The following DALRD3 variants were observed in gnomAD, a reference collection of about 807,000 sequenced individuals.
The protein encoded by DALRD3 is DALR anticodon binding domain containing 3.
In DALRD3, 47 loss-of-function variants were observed where a neutral mutation model predicts 56.7. The ratio of observed to expected loss-of-function variants is 0.83; its 90% CI spans 0.66 to 1.06. The LOEUF is 1.06. Among genes scored for constraint, DALRD3 ranks in the 50% least tolerant of loss-of-function variants. The probability of loss-of-function intolerance (pLI) is 0.00; values close to 1 mark genes in which losing one functional copy is unlikely to be tolerated. For missense variants in DALRD3, 787 were observed against 724.0 expected, an observed-to-expected ratio of 1.09 and a Z score of -1.00; for synonymous variants, 347 against 308.5, an observed-to-expected ratio of 1.12 and a Z score of -1.31.
upstream of DALRD3, chr3:49,020,287 T>G (rs113821860): frequency 2.9e-3 from 1,496 of 508,942 alleles, 12 homozygotes; most frequent in African/African-American, 0.026. Flanking sequence ...TTGGGAACCC[T>G]CAGTCAAACT....
upstream of DALRD3, chr3:49,020,037 C>A: frequency 2.1e-6 from 1 of 480,512 alleles, no homozygotes. Flanking sequence ...AATAGAGAAG[C>A]TAACTCAGTA....
chr3:49,020,110 C>CTT, upstream of DALRD3: 1 of 533,622 alleles, frequency 1.9e-6, no homozygotes. Context: ...GGCAAGGCCC[C>CTT]TTTCTGGGCC....
chr3:49,016,322 C>T lies in DALRD3; in HGVS notation c.1165G>A (p.Asp389Asn), dbSNP rs748856349. ...PQSQLFLALADSSISTKGTKS... is the reference protein window; with the variant it reads ...PQSQLFLALANSSISTKGTKS... ...GTGCCCTTCGTGGAGATACTGCTGT[C>T]AGCCAGAGCCAGGAAGAGCTGGGGA... Residue 389 changes from aspartate to asparagine, a missense_variant, in exon 9 of 12, where the codon GAC (aspartate) becomes AAC (asparagine). Physicochemically the swap from Asp to Asn is conservative, Grantham distance 23. Transcript: ENST00000341949. The T allele has an allele frequency of 1.2e-5, 19 of 1,608,172 alleles. No individual in the cohort carries two copies. The highest frequency in any genetic ancestry group is 1.5e-5 in the Non-Finnish European group (18 of 1,175,302).
rs2093115082 is a variant in DALRD3 at position 49,018,266 on chromosome 3, G to A, written c.218C>T (p.Ala73Val). 2.8e-6 allele frequency: 4 copies of A among 1,443,306 alleles called. No homozygotes were observed. The South Asian group carries it at 5.9e-5, about 21-fold the overall frequency. The allele number at this position is 1,443,306 out of a possible 1,614,324, so 89.4% of individuals were successfully genotyped here. A position where few individuals can be genotyped will look rare whatever the true frequency, so the allele number is the denominator to read the frequency against. ...ALACLQGPGV[A>V]PVLRCAPTPA... ...GGTCGGCGCGCAGCGCAGCACCGGG[G>A]CCACACCGGGGCCCTGCAGGCAGGC... The change falls in exon 2 of 12, where the codon GCC (alanine) becomes GTC (valine). Residue 73 changes from alanine (A) to valine (V), a missense_variant. By Grantham distance (64) the Ala-to-Val change is moderately conservative. Transcript: ENST00000341949.
At chr3:49,020,285 C>T, upstream of DALRD3, 1 of 520,960 alleles carries the variant, frequency 1.9e-6, no homozygotes, top group Non-Finnish European at 4.0e-6. Flanking sequence ...GGTTGGGAAC[C>T]CTCAGTCAAA....
intron 2 of DALRD3, 25 bp from the exon 3 acceptor site, chr3:49,017,894 A>C: frequency 6.3e-7 from 1 of 1,584,046 alleles, no homozygotes; most frequent in Non-Finnish European, 8.5e-7. Flanking sequence ...CGGCCGCCTC[A>C]GTCTGAGCAC....
At position 49,018,167 on chromosome 3, in the gene DALRD3, G is replaced by A; in HGVS notation, c.317C>T (p.Ala106Val). ...ERVLSAVAAY[A>V]TPASPASLGQ... ...CAGCGAGGCAGGCGAGGCGGGCGTG[G>A]CATAGGCGGCCACGGCGCTGAGGAC... The change falls in exon 2 of 12, where the codon GCC becomes GTC. Residue 106 changes from alanine to valine, a missense_variant. Transcript: ENST00000341949. 6.9e-7 allele frequency: 1 copy of A among 1,453,802 alleles called. No individual in the cohort carries two copies. The highest frequency in any genetic ancestry group is 9.0e-7 in the Non-Finnish European group (1 of 1,114,612). 90.1% of individuals were successfully genotyped at this position (1,453,802 alleles called of 1,614,324 possible). A position where few individuals can be genotyped will look rare whatever the true frequency, so the allele number is the denominator to read the frequency against.
upstream of DALRD3, chr3:49,018,827 G>A: frequency 1.0e-6 from 1 of 985,452 alleles, no homozygotes; most frequent in Non-Finnish European, 1.2e-6. Flanking sequence ...GCCTTAACCA[G>A]GAAAAGGATC....
chr3:49,020,035 AGCTAACTCAGTAGAGAGAGTT>A, upstream of DALRD3: 1 of 478,080 alleles, frequency 2.1e-6, no homozygotes, highest in Non-Finnish European at 4.2e-6. Context: ...TTAATAGAGA[AGCTAACTCAGTAGAGAGAGTT>A]GGGAAATCCG....
chr3:49,021,399 G>A (rs2093155440), upstream of DALRD3: 1 of 152,736 alleles, frequency 6.5e-6, no homozygotes, highest in Non-Finnish European at 1.5e-5. This position sits in a 1 kb window ranked among gnomAD's most constrained non-coding sequence, Gnocchi z 4.1. Context: ...ACGAGGACAA[G>A]GTGATGCTCC....
In DALRD3 at chr3:49,016,764, C is replaced by T; in HGVS notation, c.1001+10G>A. The T allele has an allele frequency of 6.2e-7, 1 of 1,614,200 alleles. No homozygotes were observed. The highest frequency in any genetic ancestry group is 8.5e-7 in the Non-Finnish European group (1 of 1,180,028). On this transcript the variant is annotated intron_variant, in intron 6 of 11. Transcript: ENST00000341949. ...TGGCTTAGGTTGGTGTTCCTCCCAG[C>T]CTCACTCACTCGTAGTACTCAGGGG...
chr3:49,016,689 A>G lies in DALRD3; in HGVS notation c.1002-16T>C. Reference sequence around the variant, plus strand: ...ATGCCGGAACCTGTGTTTGGAAGAGAGGAAGGCCAGTGGGCAGGGTCCTGG... The same window carrying G: ...ATGCCGGAACCTGTGTTTGGAAGAGGGGAAGGCCAGTGGGCAGGGTCCTGG... On this transcript the variant is annotated splice_polypyrimidine_tract_variant and intron_variant, in intron 6 of 11. Coordinates refer to ENST00000341949, the MANE Select transcript of DALRD3 (RefSeq NM_001009996.3). 6.2e-7 allele frequency: 1 copy of G among 1,609,182 alleles called. No individual in the cohort carries two copies. Among genetic ancestry groups the G allele is most frequent in the Non-Finnish European group, 8.5e-7 (1 of 1,176,758 alleles).
rs1559906464 is a variant in DALRD3 at position 49,017,866 on chromosome 3, C to T, written c.465G>A (p.Val155=). ...HLARALRAHG[V]CVRLVPAVRD... ...GCACAGCTGGCACTAGGCGCACGCA[C>T]ACCCTGCGAAGGGAGGGCGGCCGCC... is the stretch of plus-strand genomic sequence containing the variant. The change falls in exon 3 of 12, where the codon GTG becomes GTA. Residue 155 remains valine (V), a synonymous_variant. Transcript: ENST00000341949. The T allele has an allele frequency of 1.9e-6, 3 of 1,596,418 alleles. No individual in the cohort carries two copies. The highest frequency in any genetic ancestry group is 1.7e-6 in the Non-Finnish European group (2 of 1,177,634).
chr3:49,015,704 G>C lies in DALRD3; in HGVS notation c.1516C>G (p.Pro506Ala). ...ATCTGACCAAAGAGGTGTGGTCGAG[G>C]CTCCTGAAAGAGAAAGGGCCTGCTG... is the stretch of plus-strand genomic sequence containing the variant. ...YYNRVHILGE[P>A]RPHLFGQMFV... The change falls in exon 12 of 12, where the codon CCT becomes GCT. Residue 506 changes from proline to alanine, a missense_variant. Pro to Ala is a conservative substitution (Grantham distance 27). Coordinates refer to ENST00000341949, the MANE Select transcript of DALRD3 (RefSeq NM_001009996.3). 6.2e-7 allele frequency: 1 copy of C among 1,614,060 alleles called. No individual in the cohort carries two copies. Among genetic ancestry groups the C allele is most frequent in the Non-Finnish European group, 8.5e-7 (1 of 1,180,014 alleles).
intron 11 of DALRD3, 34 bp downstream of exon 11, chr3:49,015,770 C>T (rs1379882308): frequency 1.2e-6 from 2 of 1,614,114 alleles, no homozygotes; most frequent in Non-Finnish European, 1.7e-6. Flanking sequence ...CTATACCTCT[C>T]TGCACGTCCC....
chr3:49,017,771 G>T lies in DALRD3; in HGVS notation c.560C>A (p.Ser187Tyr). 6.2e-7 allele frequency: 1 copy of T among 1,613,744 alleles called. No individual in the cohort carries two copies. The highest frequency in any genetic ancestry group is 1.3e-5 in the African/African-American group (1 of 75,034). ...GGCGTGGCTCCTCAGGGTGTGGGAG[G>T]AAGCTCTCTCCGAGGCAGCGGGCCA... ...VDWPAASERASSHTLRSHALE... is the reference protein window; with the variant it reads ...VDWPAASERAYSHTLRSHALE... The change falls in exon 3 of 12, where the codon TCC (serine) becomes TAC (tyrosine). Residue 187 changes from serine (S) to tyrosine (Y), a missense_variant. By Grantham distance (144) the Ser-to-Tyr change is moderately radical. Transcript: ENST00000341949.
upstream of DALRD3, chr3:49,019,170 T>G (rs2093129415): frequency 1.3e-5 from 4 of 311,248 alleles, no homozygotes; most frequent in Non-Finnish European, 1.9e-5. Context: ...ACCTCCCGGA[T>G]TCACAGGATT....
Position 49,016,768 on chromosome 3 carries a change from A to G in DALRD3, c.1001+6T>C. On this transcript the variant is annotated splice_donor_region_variant and intron_variant, in intron 6 of 11. Coordinates refer to ENST00000341949, the MANE Select transcript of DALRD3 (RefSeq NM_001009996.3). ...TTAGGTTGGTGTTCCTCCCAGCCTC[A>G]CTCACTCGTAGTACTCAGGGGCAGT... is the stretch of plus-strand genomic sequence containing the variant. 6.2e-7 allele frequency: 1 copy of G among 1,613,800 alleles called. No homozygotes were observed. Among genetic ancestry groups the G allele is most frequent in the Non-Finnish European group, 8.5e-7 (1 of 1,179,774 alleles).
At chr3:49,019,468 G>A (rs2093132845), upstream of DALRD3, among the ~76,000 whole-genome samples, 1 of 148,884 alleles carries the variant, frequency 6.7e-6, no homozygotes, top group South Asian at 2.1e-4. Flanking sequence ...ATGGCTTCCA[G>A]AATTACCAGA....
Sources: allele counts gnomAD v4.1 joint callset (sites outside exome capture counted in the v4.1 genomes callset), GRCh38; gene constraint gnomAD v4.1.1; non-coding constraint Gnocchi (gnomAD v3.1); transcripts MANE v1.5; gene names NCBI Gene and HGNC (gene_info 2026-07-23, HGNC 2026-07-21).